The following ANKS4B variants were observed in gnomAD, a reference collection of about 807,000 sequenced individuals.
ANKS4B encodes the protein ankyrin repeat and SAM domain-containing protein 4B.
A neutral mutation model predicts 20.2 loss-of-function variants in ANKS4B; 21 were observed. The ratio of observed to expected loss-of-function variants is 1.04; its 90% CI spans 0.74 to 1.50. The LOEUF is 1.50. Among genes scored for constraint, ANKS4B ranks in the 40% most tolerant of loss-of-function variants. The pLI, the probability that ANKS4B is intolerant of heterozygous loss-of-function variation, is 0.00. For synonymous variants in ANKS4B, 179 were observed against 194.5 expected (o/e 0.92, Z 0.66); for missense variants, 473 against 494.6 (o/e 0.96, Z 0.41).
intron 1 of ANKS4B, among the ~76,000 whole-genome samples, chr16:21,248,217 G>A (rs778128575): frequency 6.6e-6 from 1 of 151,508 alleles, no homozygotes; most frequent in Admixed American, 6.6e-5. Context: ...ATGGAGGCAG[G>A]TCTTGTTATG....
chr16:21,235,291 G>A (rs998801556), intron 1 of ANKS4B, among the ~76,000 whole-genome samples: 1 of 152,218 alleles, frequency 6.6e-6, no homozygotes, highest in Non-Finnish European at 1.5e-5. Flanking sequence ...CTAGACGAAA[G>A]AGTGTTTTCC....
chr16:21,253,440 A>G lies in ANKS4B; in HGVS notation c.*2620A>G, dbSNP rs2093341938. On this transcript the variant is annotated 3_prime_UTR_variant, in exon 2 of 2. Coordinates refer to ENST00000311620, the MANE Select transcript of ANKS4B (RefSeq NM_145865.3). ...ATAAACTGAAGTTGTGCTTTCCTTCATTAACGTGCACAGAAGCAGTTGGCA... is the reference window on the plus strand; with the variant it reads ...ATAAACTGAAGTTGTGCTTTCCTTCGTTAACGTGCACAGAAGCAGTTGGCA... 1 of 151,506 alleles carries G rather than the reference A, an allele frequency of 6.6e-6. No homozygotes were observed. Among genetic ancestry groups the G allele is most frequent in the Admixed American group, 6.6e-5 (1 of 15,234 alleles). The allele number at this position is 151,506 out of a possible 1,614,324, so 9.4% of individuals were successfully genotyped here.
intron 1 of ANKS4B, among the ~76,000 whole-genome samples, chr16:21,246,304 G>C (rs906524722): frequency 6.6e-6 from 1 of 152,182 alleles, no homozygotes; most frequent in Non-Finnish European, 1.5e-5. Context: ...GAAGGAGAAA[G>C]TAATTTGTGG....
chr16:21,243,142 A>G (rs886667947), intron 1 of ANKS4B, among the ~76,000 whole-genome samples: 1 of 152,212 alleles, frequency 6.6e-6, no homozygotes, highest in Non-Finnish European at 1.5e-5. Flanking sequence ...AGGAGGAAAA[A>G]TTGGAATGTA....
At position 21,250,731 on chromosome 16, in the gene ANKS4B, C is replaced by G. The variant is rs567107181; in HGVS notation, c.1165C>G (p.Leu389Val). ...GGACCTTCAGAGCATACAAATGCAG[C>G]TGGGTCCCAGGAAGAAAGTTCTGAA... ...DEDLQSIQMQ[L>V]GPRKKVLNAI... Residue 389 changes from leucine to valine, a missense_variant, in exon 2 of 2, where the codon CTG becomes GTG. Transcript: ENST00000311620. 5.0e-6 allele frequency: 8 copies of G among 1,609,878 alleles called. No homozygotes were observed. The African/African-American group carries it at 8.0e-5, about 16-fold the overall frequency.
rs1445157376 is a variant in ANKS4B, at chr16:21,249,846, CT to C, written c.281del (p.Leu94ArgfsTer34). On this transcript the variant is annotated frameshift_variant, in exon 2 of 2. Transcript: ENST00000311620. LOFTEE classifies it high-confidence loss of function. ...LVNFGANIFA[L>X]DNDLQTPLDA... ...CAACTTTGGTGCCAACATCTTTGCCCTGGATAATGACTTACAGACTCCACTG... is the reference window on the plus strand; with the variant it reads ...CAACTTTGGTGCCAACATCTTTGCCCGGATAATGACTTACAGACTCCACTG... The C allele has an allele frequency of 1.4e-5, 23 of 1,614,028 alleles. No individual in the cohort carries two copies. The highest frequency in any genetic ancestry group is 1.9e-5 in the Non-Finnish European group (23 of 1,180,046).
Position 21,250,065 on chromosome 16 carries a change from A to G in ANKS4B, c.499A>G (p.Lys167Glu), listed in dbSNP as rs1181053553. Residue 167 changes from lysine (K) to glutamate (E), a missense_variant, in exon 2 of 2, where the codon AAG becomes GAG. Transcript: ENST00000311620. The part of the protein sequence containing the change: ...HQNKMAHTYS[K>E]EESGTLSSSK... ...AAATAAGATGGCCCACACCTACAGC[A>G]AGGAGGAATCCGGGACTCTCTCTTC... 8 of 1,614,226 alleles carry G rather than the reference A, an allele frequency of 5.0e-6. No homozygotes were observed. Among genetic ancestry groups the G allele is most frequent in the Middle Eastern group, 1.6e-4 (1 of 6,062 alleles).
chr16:21,238,471 G>A (rs1046076354), intron 1 of ANKS4B, among the ~76,000 whole-genome samples: 1 of 57,782 alleles, frequency 1.7e-5, no homozygotes, highest in East Asian at 4.4e-4. Flanking sequence ...AAATATAAAT[G>A]TAAACATAAA....
At chr16:21,247,578 T>A (rs1280316705) in intron 1 of ANKS4B, among the ~76,000 whole-genome samples, 1 of 152,210 alleles carries the variant, frequency 6.6e-6, no homozygotes. Flanking sequence ...CAGAGTTTAG[T>A]GAGATCCTGA....
At chr16:21,238,471 G>T (rs1046076354) in intron 1 of ANKS4B, among the ~76,000 whole-genome samples, 2 of 57,782 alleles carry the variant, frequency 3.5e-5, no homozygotes, top group Non-Finnish European at 6.2e-5. Flanking sequence ...AAATATAAAT[G>T]TAAACATAAA....
intron 1 of ANKS4B, among the ~76,000 whole-genome samples, chr16:21,237,114 G>A (rs571777476): frequency 3.3e-5 from 5 of 152,106 alleles, no homozygotes; most frequent in African/African-American, 4.8e-5. Flanking sequence ...TCCACCTCTC[G>A]GGTTTGAGCA....
intron 1 of ANKS4B, among the ~76,000 whole-genome samples, chr16:21,242,215 T>A (rs964937818): frequency 6.6e-6 from 1 of 152,040 alleles, no homozygotes; most frequent in African/African-American, 2.4e-5. Flanking sequence ...TTAGACGGAG[T>A]CTCACTCTGT....
chr16:21,241,477 G>T (rs908942284), intron 1 of ANKS4B, among the ~76,000 whole-genome samples: 2 of 152,062 alleles, frequency 1.3e-5, no homozygotes, highest in Non-Finnish European at 2.9e-5. Flanking sequence ...GCAGTGGTGC[G>T]ATCTCAGTTC....
chr16:21,234,983 G>T (rs2093318509), intron 1 of ANKS4B, among the ~76,000 whole-genome samples: 1 of 152,060 alleles, frequency 6.6e-6, no homozygotes, highest in Non-Finnish European at 1.5e-5. Flanking sequence ...CGAGTAGCTG[G>T]GACAAGAGGT....
chr16:21,243,166 G>C (rs1038241434), intron 1 of ANKS4B, among the ~76,000 whole-genome samples: 6 of 152,112 alleles, frequency 3.9e-5, no homozygotes, highest in Non-Finnish European at 8.8e-5. Context: ...GATGCTCAGG[G>C]TAATTTAAGC....
chr16:21,236,791 A>G (rs1423222081), intron 1 of ANKS4B, among the ~76,000 whole-genome samples: 1 of 152,178 alleles, frequency 6.6e-6, no homozygotes, highest in Non-Finnish European at 1.5e-5. Flanking sequence ...ACAAAACATG[A>G]AGAAAAAATG....
At chr16:21,234,592 G>C (rs983990076) in intron 1 of ANKS4B, among the ~76,000 whole-genome samples, 6 of 151,622 alleles carry the variant, frequency 4.0e-5, no homozygotes. Context: ...GTTATCAGAG[G>C]GCTAGGTTGT....
At position 21,253,328 on chromosome 16, in the gene ANKS4B, C is replaced by T. The variant is rs2093341830; in HGVS notation, c.*2508C>T. 1 of 152,146 alleles carries T rather than the reference C, an allele frequency of 6.6e-6. No homozygotes were observed. Among genetic ancestry groups the T allele is most frequent in the South Asian group, 2.1e-4 (1 of 4,832 alleles). 9.4% of individuals were successfully genotyped at this position (152,146 alleles called of 1,614,324 possible). A position where few individuals can be genotyped will look rare whatever the true frequency, so the allele number is the denominator to read the frequency against. ...GATGAACAATTGGCTTATTCTTCCT[C>T]AATGAATATATTCAGAAAGCTTGTT... is the stretch of plus-strand genomic sequence containing the variant. On this transcript the variant is annotated 3_prime_UTR_variant, in exon 2 of 2. Transcript: ENST00000311620.
chr16:21,235,455 C>G (rs1389992729), intron 1 of ANKS4B, among the ~76,000 whole-genome samples: 1 of 152,112 alleles, frequency 6.6e-6, no homozygotes, highest in East Asian at 1.9e-4. Context: ...CCTAAGGGCC[C>G]AGGAAGCCAT....
Sources: gnomAD v4.1 joint callset for allele counts (sites outside exome capture counted in the v4.1 genomes callset) on GRCh38, gnomAD v4.1.1 for gene constraint, MANE v1.5 for transcripts, NCBI Gene and HGNC (gene_info 2026-07-23, HGNC 2026-07-21) for gene names.